DPP6: variants seen among roughly 807,000 people sequenced by gnomAD.
DPP6 encodes dipeptidyl peptidase like 6.
Under a neutral mutation model 122.6 loss-of-function variants are expected in DPP6, and 69 were observed. That is an observed-to-expected ratio of 0.56 (90% CI 0.46 to 0.69). DPP6 has a LOEUF of 0.69. Among genes scored for constraint, DPP6 ranks in the 30% least tolerant of loss-of-function variants. The pLI is 0.00. For missense variants in DPP6, 928 were observed against 1,116.9 expected (o/e 0.83, Z 2.41); for synonymous variants, 418 against 433.1 (o/e 0.97, Z 0.43).
Position 154,031,876 on chromosome 7 carries a change from TTG to T in DPP6, c.51+144143_51+144144del, listed in dbSNP as rs1491278947. Among the ~76,000 whole-genome samples the T allele has an allele frequency of 3.3e-3, 253 of 77,180 alleles. 1 individual carries two copies. Among genetic ancestry groups the T allele is most frequent in the African/African-American group, 0.01 (160 of 15,586 alleles). The allele number at this position is 77,180 out of a possible 152,430, so 50.6% of individuals were successfully genotyped here. ...CCTTTTTTTTGTTTTTTTTTTTTTTTTGGGGGACGGGGTCTCGCTCTGTCACC... is the reference window on the plus strand; with the variant it reads ...CCTTTTTTTTGTTTTTTTTTTTTTTTGGGGACGGGGTCTCGCTCTGTCACC... On this transcript the variant is annotated intron_variant, in intron 1 of 25. Transcript: ENST00000404039.
At chr7:153,758,520 A>G in the DPP6 span, among the ~76,000 whole-genome samples, 1 of 152,106 alleles carries the variant, frequency 6.6e-6, no homozygotes, top group African/African-American at 2.4e-5. Flanking sequence ...TCTCCCTAAC[A>G]ATTCCACTAC....
intron 1 of DPP6, among the ~76,000 whole-genome samples, chr7:154,053,686 A>AT (rs1800585591): frequency 6.6e-6 from 1 of 151,508 alleles, no homozygotes; most frequent in Admixed American, 6.6e-5. Context: ...CCTCTGTCCC[A>AT]GGGCCCAGCT....
At position 154,007,589 on chromosome 7, in the gene DPP6, G is replaced by A. The variant is rs553627336; in HGVS notation, c.51+119855G>A. Among the ~76,000 whole-genome samples, 24 of 152,310 alleles carry A rather than the reference G, an allele frequency of 1.6e-4. No individual in the cohort carries two copies. In the East Asian group the frequency reaches 4.2e-3, roughly 27 times the overall value. ...GTCCCCATTTTAGATGAGGCCGCAA[G>A]TACTTAGAGTGAAAATTTGTTTGAG... On this transcript the variant is annotated intron_variant, in intron 1 of 25. Transcript: ENST00000404039.
chr7:154,222,020 G>A (rs911120242), intron 1 of DPP6, among the ~76,000 whole-genome samples: 5 of 151,850 alleles, frequency 3.3e-5, no homozygotes, highest in South Asian at 2.1e-4. Context: ...ACATCTTTTC[G>A]GGAGAACCTC....
chr7:153,923,310 C>A (rs960430976), intron 1 of DPP6, among the ~76,000 whole-genome samples: 1 of 152,140 alleles, frequency 6.6e-6, no homozygotes, highest in Non-Finnish European at 1.5e-5. Context: ...ATGCCTAATG[C>A]CAGGTTTATT....
chr7:154,812,173 G>A (rs1799101218), intron 16 of DPP6, among the ~76,000 whole-genome samples: 2 of 152,112 alleles, frequency 1.3e-5, no homozygotes, highest in Non-Finnish European at 2.9e-5. Context: ...GCAGATATAG[G>A]CTATCAAACC....
chr7:154,892,643 A>G lies in DPP6; in HGVS notation c.*163A>G. ...GGAAGGCAGTTTTGCTTGGGAAACA[A>G]GCTCCTTCCCCGGGGTCATCACTCA... On this transcript the variant is annotated 3_prime_UTR_variant, in exon 26 of 26. Transcript: ENST00000377770. 1 of 1,406,778 alleles carries G rather than the reference A, an allele frequency of 7.1e-7. No individual in the cohort carries two copies. Among genetic ancestry groups the G allele is most frequent in the Non-Finnish European group, 9.7e-7 (1 of 1,028,316 alleles). 87.1% of individuals were successfully genotyped at this position (1,406,778 alleles called of 1,614,324 possible).
At chr7:153,844,119 C>T in the DPP6 span, among the ~76,000 whole-genome samples, 3 of 152,178 alleles carry the variant, frequency 2.0e-5, no homozygotes, top group African/African-American at 7.2e-5. Flanking sequence ...AGGCTCTCTT[C>T]AGGGGGAAGC....
chr7:154,267,462 T>G (rs896809608), intron 1 of DPP6, among the ~76,000 whole-genome samples: 1 of 125,374 alleles, frequency 8.0e-6, no homozygotes, highest in African/African-American at 2.9e-5. Context: ...TGTGTATATA[T>G]TTATCTCTTA....
chr7:154,590,072 A>C (rs2130723446), intron 5 of DPP6, among the ~76,000 whole-genome samples: 1 of 152,296 alleles, frequency 6.6e-6, no homozygotes, highest in Admixed American at 6.5e-5. Context: ...TATTTTCTTT[A>C]ATAACCACAT....
At chr7:154,411,148 T>A (rs1445110911) in intron 1 of DPP6, among the ~76,000 whole-genome samples, 1 of 152,256 alleles carries the variant, frequency 6.6e-6, no homozygotes, top group East Asian at 1.9e-4. Flanking sequence ...TTAGTAGAGA[T>A]GTCACAGAAG....
chr7:154,044,269 T>C (rs1799909770), intron 1 of DPP6, among the ~76,000 whole-genome samples: 1 of 152,236 alleles, frequency 6.6e-6, no homozygotes, highest in Non-Finnish European at 1.5e-5. Context: ...TTCCCCTTTA[T>C]GAGAAGGAAA....
At chr7:154,064,058 C>T (rs2150494836) in intron 1 of DPP6, among the ~76,000 whole-genome samples, 1 of 152,212 alleles carries the variant, frequency 6.6e-6, no homozygotes, top group African/African-American at 2.4e-5. Flanking sequence ...CAAGCAGAGT[C>T]CTGGGCTGAT....
intron 16 of DPP6, among the ~76,000 whole-genome samples, chr7:154,828,462 C>T (rs1246501551): frequency 6.6e-6 from 1 of 152,144 alleles, no homozygotes; most frequent in Non-Finnish European, 1.5e-5. Flanking sequence ...ATGACAAAGT[C>T]TTGTTCTCAA....
At chr7:154,495,233 C>A (rs1824627229) in intron 3 of DPP6, among the ~76,000 whole-genome samples, 1 of 152,156 alleles carries the variant, frequency 6.6e-6, no homozygotes, top group African/African-American at 2.4e-5. Flanking sequence ...AAGACAGACC[C>A]TCAGGGCGTT....
At chr7:154,188,958 G>A (rs1445383269) in intron 1 of DPP6, among the ~76,000 whole-genome samples, 1 of 152,174 alleles carries the variant, frequency 6.6e-6, no homozygotes, top group Non-Finnish European at 1.5e-5. Context: ...CCAGATTTGT[G>A]TCAGAACCTA....
At chr7:154,446,187 G>C in intron 1 of DPP6, 27 bp from the exon 2 acceptor site, 1 of 1,431,828 alleles carries the variant, frequency 7.0e-7, no homozygotes, top group Non-Finnish European at 9.7e-7. Flanking sequence ...CACTCACTGG[G>C]GTTTTCTTTG....
intron 1 of DPP6, among the ~76,000 whole-genome samples, chr7:154,219,213 A>G (rs1016922020): frequency 4.6e-5 from 7 of 152,214 alleles, no homozygotes; most frequent in African/African-American, 1.2e-4. Context: ...GGCCAAGACA[A>G]TGAAGTCATT....
Position 154,864,875 on chromosome 7 carries a change from C to T in DPP6, c.1715-3120C>T, listed in dbSNP as rs185341262. Among the ~76,000 whole-genome samples, 6 of 152,328 alleles carry T rather than the reference C, an allele frequency of 3.9e-5. No homozygotes were observed. The South Asian group carries it at 6.2e-4, about 16-fold the overall frequency. On this transcript the variant is annotated intron_variant, in intron 17 of 25. Transcript: ENST00000377770. ...AACTCTCAGATCCGGAAACTGGTAA[C>T]GGGCTGTTTGGTGGCCAGCCTGTGT...
Sources: gnomAD v4.1 joint callset for allele counts (sites outside exome capture counted in the v4.1 genomes callset) on GRCh38, gnomAD v4.1.1 for gene constraint, MANE v1.5 for transcripts, NCBI Gene and HGNC (gene_info 2026-07-23, HGNC 2026-07-21) for gene names.